TCEA1: variants seen among roughly 807,000 people sequenced by gnomAD.
The protein encoded by TCEA1 is transcription elongation factor A1.
Under a neutral mutation model 43.8 loss-of-function variants are expected in TCEA1, and 21 were observed. The observed-to-expected ratio is 0.48, with a 90% CI of 0.34 to 0.69. The LOEUF is 0.69. Among genes scored for constraint, TCEA1 ranks in the 30% least tolerant of loss-of-function variants. The pLI is 0.01. For synonymous variants in TCEA1, 104 were observed against 117.5 expected (o/e 0.88, Z 0.75); for missense variants, 250 against 365.1 (o/e 0.68, Z 2.57).
chr8:54,002,005 CAAACA>C (rs1804281398), intron 2 of TCEA1, among the ~76,000 whole-genome samples: 1 of 147,670 alleles, frequency 6.8e-6, no homozygotes, highest in African/African-American at 2.6e-5. Flanking sequence ...AACAAACAAA[CAAACA>C]AAAAACAAAT....
intron 8 of TCEA1, chr8:53,972,428 T>C: frequency 1.9e-6 from 1 of 538,492 alleles, no homozygotes; most frequent in Admixed American, 2.1e-5. Context: ...CAGATTTGTT[T>C]CCAGAAGAAT....
Position 53,986,975 on chromosome 8 carries a change from CAATTT to C in TCEA1, c.512_516del (p.Gln171ArgfsTer18). On this transcript the variant is annotated frameshift_variant, in exon 6 of 10. Coordinates refer to ENST00000521604, the MANE Select transcript of TCEA1 (RefSeq NM_006756.4). LOFTEE classifies it high-confidence loss of function. ...ATATACACACAAAGGATATCTTCTT[CAATTT>C]GAGATCCTAATTCTTCCTCATCAGC... The C allele has an allele frequency of 6.3e-7, 1 of 1,593,928 alleles. No individual in the cohort carries two copies. The highest frequency in any genetic ancestry group is 8.5e-7 in the Non-Finnish European group (1 of 1,170,668).
chr8:53,984,624 C>CTA, intron 6 of TCEA1, 107 bp from the exon 7 acceptor site: 1 of 930,340 alleles, frequency 1.1e-6, no homozygotes, highest in East Asian at 3.0e-5. Context: ...TGGCTCATGC[C>CTA]TGTAATCCCA....
intron 1 of TCEA1, among the ~76,000 whole-genome samples, chr8:54,020,851 C>A (rs192843102): frequency 6.6e-6 from 1 of 152,224 alleles, no homozygotes; most frequent in Non-Finnish European, 1.5e-5. Flanking sequence ...TGAAAATGTG[C>A]CGAACGTGGT....
chr8:53,998,956 A>T (rs191092263), intron 3 of TCEA1, among the ~76,000 whole-genome samples: 6 of 152,010 alleles, frequency 3.9e-5, no homozygotes, highest in Admixed American at 2.6e-4. Context: ...AGGCCAGGCG[A>T]GGTGGCTCAC....
chr8:53,977,201 T>C (rs1408504127), intron 8 of TCEA1, among the ~76,000 whole-genome samples: 1 of 152,142 alleles, frequency 6.6e-6, no homozygotes, highest in African/African-American at 2.4e-5. Context: ...GTGCCTGTAG[T>C]CCCAGCTACT....
At chr8:53,972,266 A>G in intron 8 of TCEA1, 1 of 399,422 alleles carries the variant, frequency 2.5e-6, no homozygotes. Context: ...GTATTGGTAG[A>G]GCTTCAGGTG....
chr8:53,973,730 C>T, intron 8 of TCEA1: 1 of 563,082 alleles, frequency 1.8e-6, no homozygotes, highest in Admixed American at 2.2e-5. Flanking sequence ...TAAATGTTAG[C>T]AATGCATGGT....
intron 2 of TCEA1, chr8:54,003,176 A>T (rs1166828629): frequency 2.5e-6 from 1 of 402,236 alleles, no homozygotes; most frequent in Non-Finnish European, 4.9e-6. Context: ...CATATATAAA[A>T]GAAACACACA....
intron 8 of TCEA1, chr8:53,971,801 A>C: frequency 4.1e-6 from 1 of 241,248 alleles, no homozygotes; most frequent in Non-Finnish European, 7.7e-6. Context: ...AAATATTCAA[A>C]AAAATCTAGT....
chr8:53,977,419 G>A (rs764935000), intron 8 of TCEA1, among the ~76,000 whole-genome samples: 24 of 152,304 alleles, frequency 1.6e-4, no homozygotes, highest in African/African-American at 3.4e-4. Context: ...GAGGGAGAAC[G>A]AGGTGGCCAC....
intron 8 of TCEA1, chr8:53,973,876 C>A (rs1243305307): frequency 3.0e-6 from 1 of 330,892 alleles, no homozygotes; most frequent in Non-Finnish European, 5.8e-6. Context: ...CTTACTCAGG[C>A]AATAAAGAAA....
intron 2 of TCEA1, among the ~76,000 whole-genome samples, chr8:54,007,918 A>C (rs1238593607): frequency 2.0e-5 from 3 of 152,178 alleles, no homozygotes; most frequent in African/African-American, 7.2e-5. Flanking sequence ...AAATACACTC[A>C]TGCCTGTAAT....
intron 1 of TCEA1, among the ~76,000 whole-genome samples, chr8:54,012,017 AGTT>A (rs1804668139): frequency 6.6e-6 from 1 of 152,230 alleles, no homozygotes; most frequent in Non-Finnish European, 1.5e-5. Flanking sequence ...AAAACATTAA[AGTT>A]GTTGGAAAAG....
At chr8:54,007,277 T>C (rs2129311396) in intron 2 of TCEA1, among the ~76,000 whole-genome samples, 1 of 152,280 alleles carries the variant, frequency 6.6e-6, no homozygotes, top group South Asian at 2.1e-4. Context: ...ACCAATTATA[T>C]AATATAAAAT....
chr8:53,992,197 G>A (rs1201622792), intron 4 of TCEA1, among the ~76,000 whole-genome samples: 2 of 149,230 alleles, frequency 1.3e-5, no homozygotes, highest in South Asian at 2.1e-4. Context: ...CCATAATCCC[G>A]GCTACTCAGG....
At chr8:53,991,895 T>C (rs949786416) in intron 4 of TCEA1, among the ~76,000 whole-genome samples, 5 of 151,516 alleles carry the variant, frequency 3.3e-5, no homozygotes, top group Non-Finnish European at 7.4e-5. Context: ...TTAATATAGT[T>C]AATACAAATA....
intron 1 of TCEA1, among the ~76,000 whole-genome samples, chr8:54,020,497 C>G (rs1056570122): frequency 6.6e-6 from 1 of 152,158 alleles, no homozygotes; most frequent in Non-Finnish European, 1.5e-5. Context: ...AAAAGGGGAA[C>G]AGAGGATGTT....
At chr8:54,010,359 G>T in intron 2 of TCEA1, 71 bp downstream of exon 2, 2 of 1,119,556 alleles carry the variant, frequency 1.8e-6, no homozygotes, top group Non-Finnish European at 2.6e-6. Context: ...AAAACATATT[G>T]GTACTGAAGA....
Sources: allele counts gnomAD v4.1 joint callset (sites outside exome capture counted in the v4.1 genomes callset), GRCh38; gene constraint gnomAD v4.1.1; transcripts MANE v1.5; gene names NCBI Gene and HGNC (gene_info 2026-07-23, HGNC 2026-07-21).